Variants in MSI2 observed in about 807,000 individuals in gnomAD.
The protein encoded by MSI2 is RNA-binding protein Musashi homolog 2.
A neutral mutation model predicts 45.6 loss-of-function variants in MSI2; 17 were observed. That is an observed-to-expected ratio of 0.37 (90% CI 0.26 to 0.56). The LOEUF is 0.56. Among genes scored for constraint, MSI2 ranks in the 20% least tolerant of loss-of-function variants. MSI2 has a pLI of 0.77. For missense variants in MSI2, 293 were observed against 444.2 expected (o/e 0.66, Z 3.06); for synonymous variants, 156 against 158.2 (o/e 0.99, Z 0.11).
At position 57,410,265 on chromosome 17, in the gene MSI2, G is replaced by GCCC. The variant is rs1567808013; in HGVS notation, c.405+8794_405+8795insCCC. On this transcript the variant is annotated intron_variant, in intron 6 of 13. Transcript: ENST00000284073. ...CTCTAAAAGGGTCAGCATCTTCCTTGACCACCTCCAAGGAGATTTAAATAC... is the reference window on the plus strand; with the variant it reads ...CTCTAAAAGGGTCAGCATCTTCCTTGCCCACCACCTCCAAGGAGATTTAAATAC... Among the ~76,000 whole-genome samples the GCCC allele has an allele frequency of 2.3e-3, 356 of 152,196 alleles. 1 individual carries two copies. The highest frequency in any genetic ancestry group is 8.2e-3 in the African/African-American group (341 of 41,516).
At chr17:57,298,217 C>T (rs1471888364) in intron 5 of MSI2, among the ~76,000 whole-genome samples, 2 of 152,102 alleles carry the variant, frequency 1.3e-5, no homozygotes, top group Non-Finnish European at 2.9e-5. Flanking sequence ...TGAAATTACC[C>T]CTGATCCACG....
Position 57,257,452 on chromosome 17 carries a change from TTCTC to T in MSI2, c.104-8_104-5del, listed in dbSNP as rs1906902226. On this transcript the variant is annotated splice_polypyrimidine_tract_variant and intron_variant, in intron 2 of 13. Coordinates refer to ENST00000284073, the MANE Select transcript of MSI2 (RefSeq NM_138962.4). ...TTCTCTCCCCCCCCCATCTCTCTCT[TTCTC>T]TCTCTACAGATAGCCTTAGAGACTA... 1 of 1,379,050 alleles carries T rather than the reference TTCTC, an allele frequency of 7.3e-7. No homozygotes were observed. The highest frequency in any genetic ancestry group is 1.5e-5 in the African/African-American group (1 of 66,258). 85.4% of individuals were successfully genotyped at this position (1,379,050 alleles called of 1,614,324 possible). A position where few individuals can be genotyped will look rare whatever the true frequency, so the allele number is the denominator to read the frequency against.
chr17:57,288,695 G>A (rs183490127), intron 5 of MSI2, among the ~76,000 whole-genome samples: 5 of 152,308 alleles, frequency 3.3e-5, no homozygotes, highest in Admixed American at 6.5e-5. Context: ...GGGAGTGAGT[G>A]GTGTTACAGG....
chr17:57,583,934 A>G (rs1297188112), intron 7 of MSI2, among the ~76,000 whole-genome samples: 1 of 152,236 alleles, frequency 6.6e-6, no homozygotes, highest in Non-Finnish European at 1.5e-5. Context: ...ACTGAGAAGC[A>G]GTGTTCTAGA....
At chr17:57,475,374 G>C (rs1046654484) in intron 6 of MSI2, among the ~76,000 whole-genome samples, 1 of 152,140 alleles carries the variant, frequency 6.6e-6, no homozygotes, top group Non-Finnish European at 1.5e-5. Flanking sequence ...GGACACATGC[G>C]TGCACACAAG....
At chr17:57,631,984 T>G in intron 10 of MSI2, 1 of 1,433,656 alleles carries the variant, frequency 7.0e-7, no homozygotes, top group Non-Finnish European at 9.1e-7. Flanking sequence ...TCATTTTTAA[T>G]TCTTGGACTC....
intron 6 of MSI2, among the ~76,000 whole-genome samples, chr17:57,442,898 A>G (rs894990242): frequency 1.3e-5 from 2 of 152,124 alleles, no homozygotes; most frequent in African/African-American, 4.8e-5. Flanking sequence ...ATCCTTATTA[A>G]AGTTTGAAGG....
intron 6 of MSI2, chr17:57,450,336 T>A (rs541181112): frequency 6.1e-5 from 9 of 146,828 alleles, no homozygotes; most frequent in African/African-American, 2.1e-4. Flanking sequence ...TTTGTTAAAT[T>A]ACATAAAGTA....
At position 57,498,390 on chromosome 17, in the gene MSI2, C is replaced by T. The variant is rs147667834; in HGVS notation, c.406-31286C>T. 2.8e-3 allele frequency among the ~76,000 whole-genome samples: 423 copies of T among 152,372 alleles called. 1 individual carries two copies. Among genetic ancestry groups the T allele is most frequent in the South Asian group, 0.01 (50 of 4,824 alleles). On this transcript the variant is annotated intron_variant, in intron 6 of 13. Transcript: ENST00000284073. ...AGATGATGAGCACCTAGGCCGCTGA[C>T]GGCCTTACCATCTCAATTTGCTCCC... is the stretch of plus-strand genomic sequence containing the variant.
intron 5 of MSI2, among the ~76,000 whole-genome samples, chr17:57,274,782 C>T (rs1000610250): frequency 5.9e-5 from 9 of 152,082 alleles, no homozygotes; most frequent in African/African-American, 1.4e-4. Context: ...GTTGGCAGCA[C>T]GGGCTTTGGA....
intron 5 of MSI2, among the ~76,000 whole-genome samples, chr17:57,316,322 CTT>C (rs35543887): frequency 3.6e-4 from 50 of 140,142 alleles, no homozygotes; most frequent in East Asian, 4.1e-4. Context: ...GTTATTGCTA[CTT>C]TTTTTTTTTT....
chr17:57,347,383 T>C (rs1915694161), intron 5 of MSI2, among the ~76,000 whole-genome samples: 1 of 152,212 alleles, frequency 6.6e-6, no homozygotes, highest in Non-Finnish European at 1.5e-5. Flanking sequence ...TTTAAAATAA[T>C]GAGTGTGGCA....
intron 5 of MSI2, among the ~76,000 whole-genome samples, chr17:57,335,588 A>G (rs1330074120): frequency 2.0e-5 from 3 of 152,244 alleles, no homozygotes; most frequent in Non-Finnish European, 4.4e-5. Flanking sequence ...TAATGAGCCT[A>G]CTGTGTGCCA....
chr17:57,350,111 C>T (rs1315581080), intron 5 of MSI2, among the ~76,000 whole-genome samples: 3 of 151,976 alleles, frequency 2.0e-5, no homozygotes, highest in African/African-American at 4.8e-5. Context: ...TTACGTGTTC[C>T]AGTGATAGTT....
chr17:57,505,625 TA>T (rs1419834493), intron 6 of MSI2, among the ~76,000 whole-genome samples: 1 of 152,210 alleles, frequency 6.6e-6, no homozygotes, highest in Admixed American at 6.5e-5. Flanking sequence ...CTTGGTAGGC[TA>T]TTCACTCTTT....
At chr17:57,570,501 G>T (rs141622491) in intron 7 of MSI2, among the ~76,000 whole-genome samples, 214 of 152,284 alleles carry the variant, frequency 1.4e-3, no homozygotes, top group African/African-American at 4.9e-3. Context: ...GAGAACAGGG[G>T]TCTCTTCCAG....
At chr17:57,659,678 G>T (rs1911857379) in intron 11 of MSI2, among the ~76,000 whole-genome samples, 1 of 152,002 alleles carries the variant, frequency 6.6e-6, no homozygotes, top group African/African-American at 2.4e-5. Context: ...TTTTATGAGG[G>T]ACACACCTGC....
At chr17:57,615,338 CA>C (rs1907584774) in intron 8 of MSI2, among the ~76,000 whole-genome samples, 1 of 151,916 alleles carries the variant, frequency 6.6e-6, no homozygotes, top group Non-Finnish European at 1.5e-5. Flanking sequence ...ACCATGTTGC[CA>C]GGCTGATCTG....
chr17:57,604,365 G>A, intron 8 of MSI2, among the ~76,000 whole-genome samples: 1 of 152,136 alleles, frequency 6.6e-6, no homozygotes, highest in Non-Finnish European at 1.5e-5. Flanking sequence ...GAGTTAGCAG[G>A]TAAGGAGGTC....
Sources: allele counts gnomAD v4.1 joint callset (sites outside exome capture counted in the v4.1 genomes callset), GRCh38; gene constraint gnomAD v4.1.1; transcripts MANE v1.5; gene names NCBI Gene and HGNC (gene_info 2026-07-23, HGNC 2026-07-21).